Variants in SRGAP1 observed in about 807,000 individuals in gnomAD.
SRGAP1 encodes SLIT-ROBO Rho GTPase-activating protein 1.
Under a neutral mutation model 121.9 loss-of-function variants are expected in SRGAP1, and 43 were observed. That is an observed-to-expected ratio of 0.35 (90% CI 0.28 to 0.46). The LOEUF (loss-of-function observed/expected upper bound fraction) is 0.46, where lower values mean the gene tolerates loss of function less well. Ranked by LOEUF, SRGAP1 falls within the 20% of genes least tolerant of loss-of-function variation. The pLI, the probability that SRGAP1 is intolerant of heterozygous loss-of-function variation, is 1.00. For missense variants in SRGAP1, 1,102 were observed against 1,350.9 expected (o/e 0.82, Z 2.89); for synonymous variants, 447 against 485.4 (o/e 0.92, Z 1.04).
intron 4 of SRGAP1, among the ~76,000 whole-genome samples, chr12:64,029,923 G>GAATA (rs71434043): frequency 0.38 from 57,463 of 150,426 alleles, 11,660 homozygotes; most frequent in Non-Finnish European, 0.48. Flanking sequence ...ATAAATAAAT[G>GAATA]AATAAATAAA....
intron 1 of SRGAP1, among the ~76,000 whole-genome samples, chr12:63,857,236 C>A (rs547101697): frequency 6.6e-6 from 1 of 150,818 alleles, no homozygotes; most frequent in South Asian, 2.1e-4. Context: ...TGCTCCACCA[C>A]GCCCAGCTAA....
intron 1 of SRGAP1, among the ~76,000 whole-genome samples, chr12:63,921,493 C>T (rs2031041725): frequency 6.6e-6 from 1 of 152,184 alleles, no homozygotes; most frequent in Non-Finnish European, 1.5e-5. Context: ...ATTCATTTCC[C>T]TTCCTGGGCG....
chr12:63,875,914 C>T (rs912215092), intron 1 of SRGAP1, among the ~76,000 whole-genome samples: 4 of 152,124 alleles, frequency 2.6e-5, no homozygotes, highest in African/African-American at 9.7e-5. Context: ...ATAAAATTCA[C>T]TTAATGAAAG....
intron 1 of SRGAP1, among the ~76,000 whole-genome samples, chr12:63,929,132 G>A (rs1471494551): frequency 6.6e-6 from 1 of 152,160 alleles, no homozygotes; most frequent in Non-Finnish European, 1.5e-5. Flanking sequence ...AAACACTTAA[G>A]GTCTGTGTGT....
At chr12:63,993,244 T>G (rs1256087768) in intron 3 of SRGAP1, among the ~76,000 whole-genome samples, 1 of 152,232 alleles carries the variant, frequency 6.6e-6, no homozygotes, top group African/African-American at 2.4e-5. Context: ...GTTGCAATTT[T>G]TTTAATTTTT....
chr12:64,003,478 G>GAAAAAAAAAAAAAAA (rs531819299), intron 3 of SRGAP1, among the ~76,000 whole-genome samples: 1 of 42,782 alleles, frequency 2.3e-5, no homozygotes, highest in African/African-American at 6.2e-5. Context: ...GGAAGTTTCA[G>GAAAAAAAAAAAAAAA]AAAAAAAAAA....
intron 1 of SRGAP1, among the ~76,000 whole-genome samples, chr12:63,952,915 G>C (rs748445596): frequency 1.7e-4 from 26 of 152,058 alleles, no homozygotes; most frequent in Non-Finnish European, 3.1e-4. Flanking sequence ...CAAAGTACTG[G>C]GATTATAGGC....
At chr12:64,127,507 A>G in intron 19 of SRGAP1, 83 bp from the exon 20 acceptor site, 2 of 1,392,550 alleles carry the variant, frequency 1.4e-6, no homozygotes, top group Non-Finnish European at 1.9e-6. Flanking sequence ...CTATCACGTA[A>G]ATTTTCATCT....
intron 7 of SRGAP1, among the ~76,000 whole-genome samples, chr12:64,064,363 A>C (rs2035501359): frequency 6.6e-6 from 1 of 152,210 alleles, no homozygotes; most frequent in African/African-American, 2.4e-5. Context: ...ATAATGCTCT[A>C]ATTTTGAACT....
chr12:63,956,136 T>C lies in SRGAP1; in HGVS notation c.68-27811T>C, dbSNP rs559891612. Among the ~76,000 whole-genome samples, 668 of 152,182 alleles carry C rather than the reference T, an allele frequency of 4.4e-3. 5 individuals are homozygous for C. Among genetic ancestry groups the C allele is most frequent in the Non-Finnish European group, 5.3e-3 (359 of 68,014 alleles). ...AGTGCATTGGCGCAATCCCGAGTAG[T>C]TGGGACTACAGACATGCACCTCCAT... is the stretch of plus-strand genomic sequence containing the variant. On this transcript the variant is annotated intron_variant, in intron 1 of 21. Coordinates refer to ENST00000355086, the MANE Select transcript of SRGAP1 (RefSeq NM_020762.4).
At chr12:64,071,717 G>A (rs576522462) in intron 8 of SRGAP1, among the ~76,000 whole-genome samples, 1 of 152,222 alleles carries the variant, frequency 6.6e-6, no homozygotes, top group African/African-American at 2.4e-5. Flanking sequence ...CAACAATGAT[G>A]TTTTCTTCCT....
At chr12:64,017,579 C>T (rs538982493) in intron 4 of SRGAP1, among the ~76,000 whole-genome samples, 3 of 151,110 alleles carry the variant, frequency 2.0e-5, no homozygotes, top group East Asian at 2.0e-4. Context: ...CACTTGAACC[C>T]GGGAGGCAGA....
intron 1 of SRGAP1, among the ~76,000 whole-genome samples, chr12:63,955,601 T>C (rs1314126164): frequency 6.6e-6 from 1 of 152,180 alleles, no homozygotes; most frequent in East Asian, 1.9e-4. Flanking sequence ...TAAGGCCAAC[T>C]GATAGAAAAG....
chr12:64,097,249 C>A lies in SRGAP1; in HGVS notation c.1687C>A (p.Pro563Thr). Reference sequence around the variant, plus strand: ...TTTTTTTTTTTTTTTAGGTGAAAATCCTTTGGCTGATGACCAGAGTAACCA... The same window carrying A: ...TTTTTTTTTTTTTTTAGGTGAAAATACTTTGGCTGATGACCAGAGTAACCA... ...IKNSFERGEN[P>T]LADDQSNHDI... Residue 563 changes from proline to threonine, a missense_variant, in exon 15 of 22, where the codon CCT becomes ACT. Physicochemically the swap from Pro to Thr is conservative, Grantham distance 38. This residue lies in a region of SRGAP1 where 747 missense variants were observed against 929.4 expected (regional missense o/e 0.80). Transcript: ENST00000355086. The A allele has an allele frequency of 1.3e-6, 2 of 1,566,840 alleles. No individual in the cohort carries two copies. Among genetic ancestry groups the A allele is most frequent in the Non-Finnish European group, 8.6e-7 (1 of 1,164,872 alleles).
At position 64,158,925 on chromosome 12, in the gene SRGAP1, G is replaced by T. The variant is rs1271004216; in HGVS notation, c.*16253G>T. ...GGTCAGGTTGAGGAAAAAATGATAA[G>T]AACCCTCTCTGCCCCACCATTCACA... is the stretch of plus-strand genomic sequence containing the variant. On this transcript the variant is annotated 3_prime_UTR_variant, in exon 22 of 22. Coordinates refer to ENST00000355086, the MANE Select transcript of SRGAP1 (RefSeq NM_020762.4). The T allele has an allele frequency of 6.6e-6, 1 of 152,162 alleles. No individual in the cohort carries two copies. The highest frequency in any genetic ancestry group is 6.5e-5 in the Admixed American group (1 of 15,278). 9.4% of individuals were successfully genotyped at this position (152,162 alleles called of 1,614,324 possible).
chr12:64,101,475 A>G (rs1288789321), intron 15 of SRGAP1, among the ~76,000 whole-genome samples: 1 of 152,084 alleles, frequency 6.6e-6, no homozygotes, highest in Non-Finnish European at 1.5e-5. Context: ...AATATGCACT[A>G]TTTGTTCCCC....
chr12:64,033,721 GAAAT>G (rs1451169799), intron 4 of SRGAP1, among the ~76,000 whole-genome samples: 1 of 151,582 alleles, frequency 6.6e-6, no homozygotes, highest in Non-Finnish European at 1.5e-5. Context: ...CCATCTAAAT[GAAAT>G]AAATAAATAA....
At chr12:63,978,474 G>A (rs2033152968) in intron 1 of SRGAP1, among the ~76,000 whole-genome samples, 2 of 152,066 alleles carry the variant, frequency 1.3e-5, no homozygotes, top group African/African-American at 2.4e-5. Flanking sequence ...GTGGTTTTTT[G>A]TGAGTGGTTT....
chr12:64,077,626 C>A (rs2035761606), intron 8 of SRGAP1, among the ~76,000 whole-genome samples: 2 of 151,602 alleles, frequency 1.3e-5, no homozygotes, highest in Non-Finnish European at 2.9e-5. Flanking sequence ...TAGAATATGA[C>A]CTTCAGTGAA....
Sources: gnomAD v4.1 joint callset for allele counts (sites outside exome capture counted in the v4.1 genomes callset) on GRCh38, gnomAD v4.1.1 for gene constraint, gnomAD v4.1.1 regional missense constraint, MANE v1.5 for transcripts, NCBI Gene and HGNC (gene_info 2026-07-23, HGNC 2026-07-21) for gene names.